DCHS2: variants seen among roughly 807,000 people sequenced by gnomAD.
DCHS2 encodes dachsous cadherin-related 2.
A neutral mutation model predicts 182.4 loss-of-function variants in DCHS2; 142 were observed. The observed-to-expected ratio is 0.78, with a 90% CI of 0.68 to 0.89. The LOEUF is 0.89. DCHS2 is among the 40% of genes least tolerant of loss of function. The pLI, the probability that DCHS2 is intolerant of heterozygous loss-of-function variation, is 0.00. For missense variants in DCHS2, 4,319 were observed against 4,198.6 expected, an observed-to-expected ratio of 1.03 and a Z score of -0.79; for synonymous variants, 1,740 against 1,663.3, an observed-to-expected ratio of 1.05 and a Z score of -1.12.
chr4:154,415,812 C>A (rs1732808970), intron 1 of DCHS2, among the ~76,000 whole-genome samples: 1 of 152,140 alleles, frequency 6.6e-6, no homozygotes, highest in Non-Finnish European at 1.5e-5. Flanking sequence ...TGGCAGAACA[C>A]TCTGAGTTTT....
chr4:154,485,354 TATGACTAAGAA>T (rs930157961), intron 1 of DCHS2, among the ~76,000 whole-genome samples: 1 of 152,164 alleles, frequency 6.6e-6, no homozygotes, highest in Non-Finnish European at 1.5e-5. Flanking sequence ...TGAGAGAGGT[TATGACTAAGAA>T]AAGCCCATTG....
At chr4:154,482,595 A>G (rs1258611993) in intron 1 of DCHS2, among the ~76,000 whole-genome samples, 2 of 152,258 alleles carry the variant, frequency 1.3e-5, no homozygotes, top group Non-Finnish European at 2.9e-5. Context: ...TAGTTTTTAA[A>G]TATTACAAAC....
chr4:154,389,514 G>GATTATATATATAT (rs1561084765), intron 1 of DCHS2, among the ~76,000 whole-genome samples: 480 of 45,796 alleles, frequency 0.01, 14 homozygotes, highest in African/African-American at 0.029. Context: ...TAAAGACAAA[G>GATTATATATATAT]GTTATATATA....
At chr4:154,447,684 A>T (rs762883020) in intron 1 of DCHS2, among the ~76,000 whole-genome samples, 33 of 152,186 alleles carry the variant, frequency 2.2e-4, no homozygotes, top group Admixed American at 3.3e-4. Flanking sequence ...TTTAATAACA[A>T]TATTCAACTG....
intron 1 of DCHS2, among the ~76,000 whole-genome samples, chr4:154,394,332 C>G (rs1175281703): frequency 6.6e-6 from 1 of 152,128 alleles, no homozygotes; most frequent in Non-Finnish European, 1.5e-5. Context: ...TACAGCTGGT[C>G]ATTAGGCACA....
At chr4:154,300,353 C>G (rs567854218) in intron 12 of DCHS2, among the ~76,000 whole-genome samples, 3 of 152,048 alleles carry the variant, frequency 2.0e-5, no homozygotes, top group African/African-American at 7.2e-5. Flanking sequence ...AATCAAATTT[C>G]TATTTTAAGA....
At chr4:154,442,094 T>C (rs766879893) in intron 1 of DCHS2, among the ~76,000 whole-genome samples, 1 of 152,120 alleles carries the variant, frequency 6.6e-6, no homozygotes, top group Non-Finnish European at 1.5e-5. Flanking sequence ...TGGGTGACCT[T>C]TCAGCCTTGT....
intron 3 of DCHS2, among the ~76,000 whole-genome samples, chr4:154,342,148 AGT>A (rs1729139987): frequency 6.6e-6 from 1 of 152,186 alleles, no homozygotes; most frequent in Admixed American, 6.5e-5. Context: ...TAGCCTATTC[AGT>A]GTGCAATAAC....
chr4:154,298,699 G>C lies in DCHS2; in HGVS notation c.5615C>G (p.Thr1872Ser). Residue 1872 changes from threonine to serine, a missense_variant, in exon 13 of 20, where the codon ACT (threonine) becomes AGT (serine). Coordinates refer to ENST00000357232, the MANE Select transcript of DCHS2 (RefSeq NM_001358235.2). Reference protein sequence around the residue: ...AVEYHIIDGNTDECFTINEMS... With the variant: ...AVEYHIIDGNSDECFTINEMS... ...CTCATTTATAGTAAAGCACTCATCA[G>C]TATTTCCATCTATTAAAGAAAACAA... The C allele has an allele frequency of 6.4e-7, 1 of 1,560,224 alleles. No homozygotes were observed. Among genetic ancestry groups the C allele is most frequent in the Non-Finnish European group, 8.6e-7 (1 of 1,156,902 alleles).
chr4:154,482,947 T>A (rs1735977904), intron 1 of DCHS2, among the ~76,000 whole-genome samples: 1 of 151,952 alleles, frequency 6.6e-6, no homozygotes, highest in South Asian at 2.1e-4. Flanking sequence ...GCGAATGAGG[T>A]TGTGGAAGAG....
At chr4:154,458,232 A>G (rs1734854909) in intron 1 of DCHS2, among the ~76,000 whole-genome samples, 1 of 136,108 alleles carries the variant, frequency 7.3e-6, no homozygotes, top group African/African-American at 2.5e-5. Flanking sequence ...GAGAAACAAT[A>G]TTTTGCTAAA....
At chr4:154,414,902 T>A (rs1005050434) in intron 1 of DCHS2, among the ~76,000 whole-genome samples, 19 of 152,206 alleles carry the variant, frequency 1.2e-4, no homozygotes, top group South Asian at 2.1e-4. Flanking sequence ...TTGGCAGTCA[T>A]GCCATTGGGG....
At chr4:154,335,894 C>T (rs890292478) in intron 3 of DCHS2, among the ~76,000 whole-genome samples, 15 of 152,166 alleles carry the variant, frequency 9.9e-5, no homozygotes, top group African/African-American at 3.6e-4. Flanking sequence ...CTTACCATAT[C>T]ACCAGCCCGA....
At position 154,489,787 on chromosome 4, in the gene DCHS2, C is replaced by T. The variant is rs1728727916; in HGVS notation, c.1569G>A (p.Glu523=). The T allele has an allele frequency of 4.5e-6, 7 of 1,551,664 alleles. No individual in the cohort carries two copies. The highest frequency in any genetic ancestry group is 6.1e-6 in the Non-Finnish European group (7 of 1,146,960). ...DAGSPPLSTE[E]TLLLRVADLN... ...GGTCAGCGACCCGGAGTAGCAGCGT[C>T]TCCTCCGTGCTCAGCGGCGGGGACC... is the stretch of plus-strand genomic sequence containing the variant. The change falls in exon 1 of 20, where the codon GAG becomes GAA. Residue 523 remains glutamate, a synonymous_variant. Transcript: ENST00000357232.
intron 5 of DCHS2, among the ~76,000 whole-genome samples, chr4:154,330,962 T>C (rs1228892294): frequency 7.9e-5 from 12 of 152,080 alleles, no homozygotes. Context: ...AGGTCGGGGA[T>C]GTAAAAGACT....
At chr4:154,483,307 C>T (rs1735993175) in intron 1 of DCHS2, among the ~76,000 whole-genome samples, 1 of 152,058 alleles carries the variant, frequency 6.6e-6, no homozygotes, top group African/African-American at 2.4e-5. Flanking sequence ...AAAATAAATG[C>T]AAACCAAATC....
chr4:154,327,358 C>T (rs1325587911), intron 7 of DCHS2, among the ~76,000 whole-genome samples: 5 of 152,062 alleles, frequency 3.3e-5, no homozygotes, highest in Non-Finnish European at 4.4e-5. Context: ...CAGTGAGTTT[C>T]GTATGTTGAC....
intron 1 of DCHS2, among the ~76,000 whole-genome samples, chr4:154,439,550 T>C (rs1399283623): frequency 6.6e-6 from 1 of 152,216 alleles, no homozygotes; most frequent in Admixed American, 6.5e-5. Flanking sequence ...TCCTCTTTGA[T>C]AAGCTATGAA....
At position 154,489,414 on chromosome 4, in the gene DCHS2, G is replaced by A. The variant is rs887662800; in HGVS notation, c.1942C>T (p.Leu648=). The A allele has an allele frequency of 1.3e-6, 2 of 1,551,762 alleles. No homozygotes were observed. Among genetic ancestry groups the A allele is most frequent in the Non-Finnish European group, 8.7e-7 (1 of 1,147,008 alleles). ...LGEPPLSATC[L]VSITVDDVND... ...ACATCATCTACGGTGATGCTCACCAGGCAGGTGGCAGAGAGTGGGGGCTCT... is the reference window on the plus strand; with the variant it reads ...ACATCATCTACGGTGATGCTCACCAAGCAGGTGGCAGAGAGTGGGGGCTCT... Residue 648 remains leucine (L), a synonymous_variant, in exon 1 of 20, where the codon CTG becomes TTG. Transcript: ENST00000357232.
Sources: allele counts gnomAD v4.1 joint callset (sites outside exome capture counted in the v4.1 genomes callset), GRCh38; gene constraint gnomAD v4.1.1; transcripts MANE v1.5; gene names NCBI Gene and HGNC (gene_info 2026-07-23, HGNC 2026-07-21).